CEP128: variants seen among roughly 807,000 people sequenced by gnomAD.
The protein encoded by CEP128 is centrosomal protein 128, also known as centrosomal protein 128kDa.
Under a neutral mutation model 156.7 loss-of-function variants are expected in CEP128, and 132 were observed. The observed-to-expected ratio is 0.84, with a 90% CI of 0.73 to 0.97. The LOEUF is 0.97. CEP128 is among the 50% of genes least tolerant of loss of function. The pLI is 0.00. For synonymous variants in CEP128, 469 were observed against 448.9 expected (o/e 1.04, Z -0.57); for missense variants, 1,252 against 1,281.9 (o/e 0.98, Z 0.36).
chr14:80,714,423 C>T (rs894900619), intron 19 of CEP128, among the ~76,000 whole-genome samples: 1 of 152,016 alleles, frequency 6.6e-6, no homozygotes, highest in Non-Finnish European at 1.5e-5. Flanking sequence ...GAGGCTGTGG[C>T]TAAAAGGCCA....
downstream of CEP128, among the ~76,000 whole-genome samples, chr14:80,487,511 C>T (rs1481240424): frequency 2.6e-5 from 4 of 152,174 alleles, no homozygotes. Flanking sequence ...GAACTCAGCT[C>T]TGCACCAAGT....
At chr14:80,760,245 G>C (rs1047598043) in intron 17 of CEP128, among the ~76,000 whole-genome samples, 2 of 151,688 alleles carry the variant, frequency 1.3e-5, no homozygotes, top group East Asian at 3.9e-4. Context: ...TAGACTCATA[G>C]TCTTTTCAAA....
intron 8 of CEP128, among the ~76,000 whole-genome samples, chr14:80,893,864 T>C (rs995536938): frequency 3.3e-5 from 5 of 151,988 alleles, no homozygotes; most frequent in Admixed American, 3.3e-4. Context: ...GAAACAGATG[T>C]TTGTGTATAT....
chr14:80,482,810 G>T (rs192304309), intron 14 of CEP128, among the ~76,000 whole-genome samples: 12 of 152,244 alleles, frequency 7.9e-5, no homozygotes, highest in Non-Finnish European at 1.5e-4. Flanking sequence ...AAACAAAGAG[G>T]GACAGAAGTA....
At position 80,801,006 on chromosome 14, in the gene CEP128, T is replaced by C. The variant is rs943935230; in HGVS notation, c.1210-7896A>G. On this transcript the variant is annotated intron_variant, in intron 13 of 24. Coordinates refer to ENST00000555265, the MANE Select transcript of CEP128 (RefSeq NM_152446.5). ...GTCACTTATGGAAAGGAAACGAACA[T>C]TCACTACCAAAAAACATATGGGCAA... Among the ~76,000 whole-genome samples the C allele has an allele frequency of 2.6e-5, 4 of 152,148 alleles. No individual in the cohort carries two copies. In the East Asian group the frequency reaches 7.7e-4, roughly 29 times the overall value.
chr14:80,862,725 A>T (rs1887573000), intron 9 of CEP128, 32 bp downstream of exon 9: 1 of 1,386,792 alleles, frequency 7.2e-7, no homozygotes, highest in African/African-American at 1.4e-5. Context: ...CAAATTCAAG[A>T]TTTACATTCC....
intron 22 of CEP128, among the ~76,000 whole-genome samples, chr14:80,528,018 A>AT (rs1889058308): frequency 6.6e-6 from 1 of 152,172 alleles, no homozygotes; most frequent in Non-Finnish European, 1.5e-5. Flanking sequence ...GTAAAAAAAA[A>AT]CACGTACGGA....
chr14:80,837,485 G>A (rs1393251264), intron 11 of CEP128, among the ~76,000 whole-genome samples: 1 of 152,174 alleles, frequency 6.6e-6, no homozygotes, highest in Admixed American at 6.5e-5. Flanking sequence ...TTGGGAGGCC[G>A]AGGTGGGGAA....
At chr14:80,873,584 TGGATATGACCATG>T (rs1294192267) in intron 8 of CEP128, among the ~76,000 whole-genome samples, 8 of 152,206 alleles carry the variant, frequency 5.3e-5, no homozygotes, top group African/African-American at 1.7e-4. Context: ...ACAGTACAGC[TGGATATGACCATG>T]GCTCACTCAG....
At chr14:80,563,888 A>G (rs1475032895) in intron 20 of CEP128, among the ~76,000 whole-genome samples, 2 of 152,192 alleles carry the variant, frequency 1.3e-5, no homozygotes, top group Non-Finnish European at 2.9e-5. Context: ...AGAATATCAT[A>G]AAAATAAATT....
Position 80,634,694 on chromosome 14 carries a change from G to GC in CEP128, c.2807-54272dup, listed in dbSNP as rs561968959. Among the ~76,000 whole-genome samples the GC allele has an allele frequency of 1.8e-3, 277 of 151,942 alleles. 2 individuals carry two copies. Among genetic ancestry groups the GC allele is most frequent in the African/African-American group, 6.2e-3 (257 of 41,430 alleles). ...TTAGTTAATTTTATCTCTGTGTTTT[G>GC]CCCCCACTTTTCCCTATTCTCCTAC... is the stretch of plus-strand genomic sequence containing the variant. On this transcript the variant is annotated intron_variant, in intron 19 of 24. Coordinates refer to ENST00000555265, the MANE Select transcript of CEP128 (RefSeq NM_152446.5).
At position 80,896,735 on chromosome 14, in the gene CEP128, T is replaced by A. The variant is rs573520436; in HGVS notation, c.573-945A>T. Among the ~76,000 whole-genome samples, 50 of 152,332 alleles carry A rather than the reference T, an allele frequency of 3.3e-4. 1 individual carries two copies. In the South Asian group the frequency reaches 6.6e-3, roughly 20 times the overall value. ...GCTTTCTCATTATCTTTTGGCTTTA[T>A]ATGGGCCTTACTTATCACATCATTG... On this transcript the variant is annotated intron_variant, in intron 7 of 24. Transcript: ENST00000555265.
intron 23 of CEP128, among the ~76,000 whole-genome samples, chr14:80,511,898 C>G: frequency 6.6e-6 from 1 of 151,780 alleles, no homozygotes; most frequent in Non-Finnish European, 1.5e-5. Flanking sequence ...TGTATAGTTT[C>G]CAAATTGATT....
chr14:80,560,754 G>T (rs1322437426), intron 20 of CEP128, among the ~76,000 whole-genome samples: 2 of 152,154 alleles, frequency 1.3e-5, no homozygotes, highest in Non-Finnish European at 2.9e-5. Flanking sequence ...TCCCGTGCTG[G>T]ATGCTTCCTG....
downstream of CEP128, among the ~76,000 whole-genome samples, chr14:80,494,314 T>C (rs898618873): frequency 1.3e-5 from 2 of 152,166 alleles, no homozygotes; most frequent in Non-Finnish European, 2.9e-5. Flanking sequence ...AAATTTTCTG[T>C]TTTGTTTTAA....
chr14:80,757,939 T>C (rs1440514559), intron 17 of CEP128, among the ~76,000 whole-genome samples: 4 of 152,240 alleles, frequency 2.6e-5, no homozygotes, highest in African/African-American at 9.6e-5. Flanking sequence ...CCTCCCTGCC[T>C]TTTCAAGGAA....
chr14:80,627,185 T>C (rs1452635055), intron 19 of CEP128, among the ~76,000 whole-genome samples: 1 of 152,180 alleles, frequency 6.6e-6, no homozygotes, highest in Non-Finnish European at 1.5e-5. Context: ...CAGAAAATAT[T>C]AGAACATAAT....
At chr14:80,849,888 C>T (rs1167024874) in intron 9 of CEP128, among the ~76,000 whole-genome samples, 2 of 151,934 alleles carry the variant, frequency 1.3e-5, no homozygotes, top group Non-Finnish European at 2.9e-5. Context: ...TTTAGGTCTA[C>T]ATAAGATGAA....
At position 80,880,869 on chromosome 14, in the gene CEP128, AATAAT is replaced by A. The variant is rs1888508231; in HGVS notation, c.645+14844_645+14848del. The stretch of plus-strand genomic sequence containing the variant: ...CAGAGCAAGACTCCATCTCAAAAAT[AATAAT>A]AATAATAATAATAATAATAATAATA... On this transcript the variant is annotated intron_variant, in intron 8 of 24. Transcript: ENST00000555265. 1.0e-3 allele frequency among the ~76,000 whole-genome samples: 30 copies of A among 29,908 alleles called. No homozygotes were observed. In the South Asian group the frequency reaches 0.036, roughly 36 times the overall value. 19.6% of individuals were successfully genotyped at this position (29,908 alleles called of 152,430 possible).
Sources: allele counts gnomAD v4.1 joint callset (sites outside exome capture counted in the v4.1 genomes callset), GRCh38; gene constraint gnomAD v4.1.1; transcripts MANE v1.5; gene names NCBI Gene and HGNC (gene_info 2026-07-23, HGNC 2026-07-21).